Variants in ASCL5 observed in about 807,000 individuals in gnomAD.
The protein encoded by ASCL5 is achaete-scute homolog 5.
For missense variants in ASCL5, 262 were observed against 268.9 expected, an observed-to-expected ratio of 0.97 and a Z score of 0.18; for synonymous variants, 124 against 131.5, an observed-to-expected ratio of 0.94 and a Z score of 0.39.
Position 201,114,484 on chromosome 1 carries a change from G to T in ASCL5, c.*268C>A. 1 of 309,688 alleles carries T rather than the reference G, an allele frequency of 3.2e-6. No individual in the cohort carries two copies. Among genetic ancestry groups the T allele is most frequent in the Non-Finnish European group, 5.9e-6 (1 of 169,732 alleles). 19.2% of individuals were successfully genotyped at this position (309,688 alleles called of 1,614,324 possible). ...AGCCCCTCTGCACCCCGGAGGGGAC[G>T]CAGGACGCCCGGAGCAGTCCCAGGC... On this transcript the variant is annotated 3_prime_UTR_variant, in exon 2 of 2. Transcript: ENST00000449188.
chr1:201,124,012 T>G (rs558324067), intron 1 of ASCL5, among the ~76,000 whole-genome samples: 6 of 152,348 alleles, frequency 3.9e-5, no homozygotes, highest in African/African-American at 1.4e-4. Flanking sequence ...TGACTCACAC[T>G]GCTGTGCAAA....
chr1:201,122,960 G>A (rs1177876575), intron 1 of ASCL5, among the ~76,000 whole-genome samples: 5 of 152,196 alleles, frequency 3.3e-5, no homozygotes, highest in Admixed American at 2.6e-4. Context: ...ATGTATGTGA[G>A]CCACGTGGCA....
chr1:201,117,863 C>A (rs879713776), intron 1 of ASCL5, among the ~76,000 whole-genome samples: 1 of 152,204 alleles, frequency 6.6e-6, no homozygotes. Context: ...TAACACCTAT[C>A]AGTCCCTTGC....
intron 1 of ASCL5, among the ~76,000 whole-genome samples, chr1:201,123,265 C>T (rs1027409700): frequency 3.3e-5 from 5 of 152,156 alleles, no homozygotes; most frequent in Admixed American, 6.5e-5. Context: ...TTTATTCAAC[C>T]GTGTGTTCTA....
chr1:201,114,967 G>A lies in ASCL5; in HGVS notation c.406C>T (p.Gln136Ter), dbSNP rs1306941715. 36 of 1,231,446 alleles carry A rather than the reference G, an allele frequency of 2.9e-5. No homozygotes were observed. The highest frequency in any genetic ancestry group is 3.5e-5 in the Non-Finnish European group (35 of 987,902). 76.3% of individuals were successfully genotyped at this position (1,231,446 alleles called of 1,614,324 possible). A position where few individuals can be genotyped will look rare whatever the true frequency, so the allele number is the denominator to read the frequency against. The change falls in exon 2 of 2, where the codon CAA becomes TAA. Residue 136 changes from glutamine to a stop codon, truncating the protein, a stop_gained. Coordinates refer to ENST00000449188, the MANE Select transcript of ASCL5 (RefSeq NM_001270601.2). LOFTEE classifies it low-confidence loss of function (END_TRUNC). ...TCGGGGGCCGAGCTCAGCAGCTCTT[G>A]CAGGTACTTTATGTAGCGGATGGCG... ...RAAIRYIKYL[Q>*]ELLSSAPDGS... is the part of the protein sequence containing the mutation.
rs1463322210 is a variant in ASCL5, at chr1:201,113,960, A to T, written c.*792T>A. 1 of 152,126 alleles carries T rather than the reference A, an allele frequency of 6.6e-6. No homozygotes were observed. Among genetic ancestry groups the T allele is most frequent in the African/African-American group, 2.4e-5 (1 of 41,398 alleles). The allele number at this position is 152,126 out of a possible 1,614,324, so 9.4% of individuals were successfully genotyped here. ...CAATGATCTAGGAATGAGAAAATTC[A>T]ACAATCCTTTTATTTAGCTCTTTGG... On this transcript the variant is annotated 3_prime_UTR_variant, in exon 2 of 2. Transcript: ENST00000449188.
rs926437370 is a variant in ASCL5 at position 201,121,540 on chromosome 1, T to G, written c.-506+5544A>C. ...AATTTTGTAGACCAATAATTAGCAGTGTCGATTTATTTAGCATTCATTAAG... is the reference window on the plus strand; with the variant it reads ...AATTTTGTAGACCAATAATTAGCAGGGTCGATTTATTTAGCATTCATTAAG... On this transcript the variant is annotated intron_variant, in intron 1 of 1. Transcript: ENST00000449188. Among the ~76,000 whole-genome samples, 8 of 152,340 alleles carry G rather than the reference T, an allele frequency of 5.3e-5. No individual in the cohort carries two copies. The South Asian group carries it at 1.7e-3, about 32-fold the overall frequency.
chr1:201,123,910 G>T (rs1364272851), intron 1 of ASCL5, among the ~76,000 whole-genome samples: 4 of 152,172 alleles, frequency 2.6e-5, no homozygotes, highest in African/African-American at 9.7e-5. Context: ...CCTCATTGGG[G>T]GTGGGTTTTG....
chr1:201,114,840 C>G lies in ASCL5; in HGVS notation c.533G>C (p.Arg178Pro). 1 of 1,139,650 alleles carries G rather than the reference C, an allele frequency of 8.8e-7. No homozygotes were observed. The highest frequency in any genetic ancestry group is 1.1e-6 in the Non-Finnish European group (1 of 927,376). The allele number at this position is 1,139,650 out of a possible 1,614,324, so 70.6% of individuals were successfully genotyped here. Residue 178 changes from arginine to proline, a missense_variant, in exon 2 of 2, where the codon CGG becomes CCG. Coordinates refer to ENST00000449188, the MANE Select transcript of ASCL5 (RefSeq NM_001270601.2). ...RPDRPGDGEA[R>P]APSSLVPESS... ...CTCCGGCACCAGGGAGGAGGGCGCC[C>G]GGGCCTCGCCGTCGCCAGGGCGGTC... is the stretch of plus-strand genomic sequence containing the variant.
In ASCL5 at chr1:201,114,558, T is replaced by A; in HGVS notation, c.*194A>T. 2.3e-6 allele frequency: 1 copy of A among 430,864 alleles called. No individual in the cohort carries two copies. Among genetic ancestry groups the A allele is most frequent in the Non-Finnish European group, 3.8e-6 (1 of 261,584 alleles). 26.7% of individuals were successfully genotyped at this position (430,864 alleles called of 1,614,324 possible). A position where few individuals can be genotyped will look rare whatever the true frequency, so the allele number is the denominator to read the frequency against. ...AGCTCCTAGGTCTCTATCGTGCCCA[T>A]CGTACCCGCTGCCCTGCACTTCCGC... On this transcript the variant is annotated 3_prime_UTR_variant, in exon 2 of 2. Coordinates refer to ENST00000449188, the MANE Select transcript of ASCL5 (RefSeq NM_001270601.2).
Position 201,115,451 on chromosome 1 carries a change from G to C in ASCL5, c.-79C>G. 8.6e-7 allele frequency: 1 copy of C among 1,168,214 alleles called. No individual in the cohort carries two copies. Among genetic ancestry groups the C allele is most frequent in the Non-Finnish European group, 1.1e-6 (1 of 930,592 alleles). 72.4% of individuals were successfully genotyped at this position (1,168,214 alleles called of 1,614,324 possible). A position where few individuals can be genotyped will look rare whatever the true frequency, so the allele number is the denominator to read the frequency against. On this transcript the variant is annotated 5_prime_UTR_variant, in exon 2 of 2. Transcript: ENST00000449188. ...TGGGGTCTGCACCGTCTCCACCAGT[G>C]GGGCAAGTCACATCGCTAGCAGCAG...
intron 1 of ASCL5, among the ~76,000 whole-genome samples, chr1:201,121,002 T>TG (rs1056869391): frequency 3.9e-5 from 6 of 152,232 alleles, no homozygotes; most frequent in African/African-American, 1.4e-4. Flanking sequence ...CTTTGTGGAA[T>TG]CCTCACTCAT....
rs947726046 is a variant in ASCL5 at position 201,114,132 on chromosome 1, C to G, written c.*620G>C. 2.0e-5 allele frequency: 3 copies of G among 152,058 alleles called. No individual in the cohort carries two copies. The allele number at this position is 152,058 out of a possible 1,614,324, so 9.4% of individuals were successfully genotyped here. A position where few individuals can be genotyped will look rare whatever the true frequency, so the allele number is the denominator to read the frequency against. Reference sequence around the variant, plus strand: ...ATGCGGGGAGGGAGTAACCCCCCCTCCCAACCCAGGAAGCCAGAGAACGCC... The same window carrying G: ...ATGCGGGGAGGGAGTAACCCCCCCTGCCAACCCAGGAAGCCAGAGAACGCC... On this transcript the variant is annotated 3_prime_UTR_variant, in exon 2 of 2. Coordinates refer to ENST00000449188, the MANE Select transcript of ASCL5 (RefSeq NM_001270601.2).
At position 201,114,590 on chromosome 1, in the gene ASCL5, C is replaced by A. The variant is rs1663290311; in HGVS notation, c.*162G>T. On this transcript the variant is annotated 3_prime_UTR_variant, in exon 2 of 2. Coordinates refer to ENST00000449188, the MANE Select transcript of ASCL5 (RefSeq NM_001270601.2). ...CGCTGCCCTGCACTTCCGCCCCAAG[C>A]TGGTGGAGGAGGGAGGGTGTCGCAG... is the stretch of plus-strand genomic sequence containing the variant. 1 of 567,306 alleles carries A rather than the reference C, an allele frequency of 1.8e-6. No individual in the cohort carries two copies. Among genetic ancestry groups the A allele is most frequent in the Non-Finnish European group, 2.6e-6 (1 of 384,410 alleles). 35.1% of individuals were successfully genotyped at this position (567,306 alleles called of 1,614,324 possible).
chr1:201,126,028 A>C (rs984727577), intron 1 of ASCL5, among the ~76,000 whole-genome samples: 3 of 152,222 alleles, frequency 2.0e-5, no homozygotes, highest in Non-Finnish European at 4.4e-5. Context: ...CGGGGACAGA[A>C]TCTTGGCTCA....
chr1:201,125,188 CT>C (rs1663556284), intron 1 of ASCL5, among the ~76,000 whole-genome samples: 1 of 152,214 alleles, frequency 6.6e-6, no homozygotes, highest in African/African-American at 2.4e-5. Flanking sequence ...CCTAAGGTTA[CT>C]GTGAAGTTCA....
In ASCL5 at chr1:201,127,129, T is replaced by A. The variant is rs1663595698; in HGVS notation, c.-551A>T. 1 of 152,420 alleles carries A rather than the reference T, an allele frequency of 6.6e-6. No homozygotes were observed. Among genetic ancestry groups the A allele is most frequent in the Non-Finnish European group, 1.5e-5 (1 of 68,172 alleles). The allele number at this position is 152,420 out of a possible 1,614,324, so 9.4% of individuals were successfully genotyped here. ...GGCAGCGCTTATCCTGATCAGTGGC[T>A]CTTGAACCTCCTGGGGGGACTGCGG... On this transcript the variant is annotated 5_prime_UTR_variant, in exon 1 of 2. Coordinates refer to ENST00000449188, the MANE Select transcript of ASCL5 (RefSeq NM_001270601.2).
rs1663283410 is a variant in ASCL5, at chr1:201,114,372, G to C, written c.*380C>G. On this transcript the variant is annotated 3_prime_UTR_variant, in exon 2 of 2. Transcript: ENST00000449188. ...GGCTCGCATCCCGGGGACTCGCAGA[G>C]ACTGGACTGCGCCTGCGGCAAGGAA... The C allele has an allele frequency of 1.1e-5, 2 of 181,848 alleles. No individual in the cohort carries two copies. Among genetic ancestry groups the C allele is most frequent in the African/African-American group, 4.7e-5 (2 of 42,600 alleles). The allele number at this position is 181,848 out of a possible 1,614,324, so 11.3% of individuals were successfully genotyped here. A position where few individuals can be genotyped will look rare whatever the true frequency, so the allele number is the denominator to read the frequency against.
At chr1:201,123,800 A>G (rs894138985) in intron 1 of ASCL5, among the ~76,000 whole-genome samples, 1 of 152,206 alleles carries the variant, frequency 6.6e-6, no homozygotes, top group Non-Finnish European at 1.5e-5. Flanking sequence ...AAAGCCACCA[A>G]TAAGTGCTAA....
Sources: gnomAD v4.1 joint callset for allele counts (sites outside exome capture counted in the v4.1 genomes callset) on GRCh38, gnomAD v4.1.1 for gene constraint, MANE v1.5 for transcripts, NCBI Gene and HGNC (gene_info 2026-07-23, HGNC 2026-07-21) for gene names.